The following TYW1B variants were observed in gnomAD, a reference collection of about 807,000 sequenced individuals.
TYW1B encodes the protein S-adenosyl-L-methionine-dependent tRNA 4-demethylwyosine synthase TYW1B.
TYW1B carries 73 observed loss-of-function variants against 86.9 expected under a neutral mutation model. The ratio of observed to expected loss-of-function variants is 0.84; its 90% CI spans 0.70 to 1.02. TYW1B has a LOEUF of 1.02. Among genes scored for constraint, TYW1B ranks in the 50% least tolerant of loss-of-function variants. TYW1B has a pLI of 0.00. For missense variants in TYW1B, 637 were observed against 827.4 expected (o/e 0.77, Z 2.82); for synonymous variants, 248 against 292.8 (o/e 0.85, Z 1.56).
At chr7:72,736,240 A>G (rs552330289) in intron 8 of TYW1B, among the ~76,000 whole-genome samples, 1 of 152,286 alleles carries the variant, frequency 6.6e-6, no homozygotes, top group South Asian at 2.1e-4. Flanking sequence ...GGCAGAGAAC[A>G]AAGGAAGGAG....
intron 10 of TYW1B, among the ~76,000 whole-genome samples, chr7:72,703,024 A>AT (rs1248439397): frequency 2.3e-3 from 19 of 8,152 alleles, no homozygotes; most frequent in African/African-American, 6.6e-3. Context: ...ATATATATAT[A>AT]TATTTTTTTT....
intron 7 of TYW1B, among the ~76,000 whole-genome samples, chr7:72,759,549 C>A (rs1787652845): frequency 6.6e-6 from 1 of 152,152 alleles, no homozygotes; most frequent in African/African-American, 2.4e-5. Flanking sequence ...GGGCAAATTA[C>A]AAGGAAAATT....
chr7:72,743,869 G>A (rs372265156), intron 8 of TYW1B, among the ~76,000 whole-genome samples: 37 of 149,280 alleles, frequency 2.5e-4, no homozygotes, highest in African/African-American at 6.4e-4. Context: ...AGAAAGAAAA[G>A]AAAAAGAAAT....
At chr7:72,785,061 C>A (rs1461611035) in intron 6 of TYW1B, among the ~76,000 whole-genome samples, 1 of 151,898 alleles carries the variant, frequency 6.6e-6, no homozygotes. Flanking sequence ...ACACCCCACT[C>A]CCCCCATATC....
chr7:72,794,612 AAAAG>A (rs1788275687), intron 6 of TYW1B, among the ~76,000 whole-genome samples: 1 of 152,050 alleles, frequency 6.6e-6, no homozygotes, highest in Non-Finnish European at 1.5e-5. Context: ...AAAAGAAGGA[AAAAG>A]AAAGACAAAG....
intron 11 of TYW1B, among the ~76,000 whole-genome samples, chr7:72,690,157 GA>G (rs782500490): frequency 5.3e-5 from 8 of 152,178 alleles, no homozygotes; most frequent in Non-Finnish European, 1.2e-4. Context: ...CTTAAACAGA[GA>G]AAAGAATTAA....
intron 8 of TYW1B, among the ~76,000 whole-genome samples, chr7:72,742,614 A>T (rs1456106992): frequency 3.3e-5 from 5 of 152,212 alleles, no homozygotes; most frequent in African/African-American, 1.2e-4. Context: ...TATTGAGTCA[A>T]ATAATATCAA....
chr7:72,604,727 A>G (rs1554434459), intron 13 of TYW1B, among the ~76,000 whole-genome samples: 1 of 152,134 alleles, frequency 6.6e-6, no homozygotes, highest in East Asian at 1.9e-4. Context: ...AAGCCCACAA[A>G]CAGCTGACTG....
intron 11 of TYW1B, among the ~76,000 whole-genome samples, chr7:72,660,552 G>A (rs1368177496): frequency 1.3e-5 from 2 of 152,118 alleles, no homozygotes; most frequent in Non-Finnish European, 2.9e-5. Context: ...TCTGCCATCC[G>A]ACACAATGAT....
Position 72,673,715 on chromosome 7 carries a change from T to A in TYW1B, c.1506+20972A>T, listed in dbSNP as rs567063682. On this transcript the variant is annotated intron_variant, in intron 11 of 13. Coordinates refer to ENST00000620995, the MANE Select transcript of TYW1B (RefSeq NM_001145440.3). ...CAACAGGTTGACTATATAGTCAAAC[T>A]TAATTTAATTGTACATTTAAAAGTG... Among the ~76,000 whole-genome samples the A allele has an allele frequency of 8.4e-3, 1,276 of 151,710 alleles. 13 individuals are homozygous for A. The highest frequency in any genetic ancestry group is 0.028 in the African/African-American group (1,147 of 41,406).
chr7:72,789,264 G>T (rs1270562006), intron 6 of TYW1B, among the ~76,000 whole-genome samples: 1 of 152,150 alleles, frequency 6.6e-6, no homozygotes, highest in Non-Finnish European at 1.5e-5. Flanking sequence ...CTCCTGAGTA[G>T]TTGGGACTAC....
intron 7 of TYW1B, among the ~76,000 whole-genome samples, chr7:72,774,356 A>T (rs1426130247): frequency 6.7e-6 from 1 of 149,520 alleles, no homozygotes. Context: ...ATATTATTTC[A>T]AAGTAACTTA....
At chr7:72,693,301 A>G (rs1814218726) in intron 11 of TYW1B, among the ~76,000 whole-genome samples, 1 of 152,196 alleles carries the variant, frequency 6.6e-6, no homozygotes, top group African/African-American at 2.4e-5. Context: ...GTTTGCAGAA[A>G]ATGACATTCA....
intron 10 of TYW1B, among the ~76,000 whole-genome samples, chr7:72,711,473 C>CTTTATTTTTTT (rs1786662085): frequency 1.8e-5 from 1 of 56,948 alleles, no homozygotes; most frequent in Non-Finnish European, 3.0e-5. Flanking sequence ...CTCTTTAATT[C>CTTTATTTTTTT]TTTTTTTTTT....
rs1187553447 is a variant in TYW1B at position 72,796,577 on chromosome 7, G to A, written c.846+5823C>T. The stretch of plus-strand genomic sequence containing the variant: ...AATTTGATGTAATATAATCTATTAC[G>A]TTCATTAATCTTTTTGAAGCTCAAA... On this transcript the variant is annotated intron_variant, in intron 6 of 13. Transcript: ENST00000620995. Among the ~76,000 whole-genome samples the A allele has an allele frequency of 1.4e-4, 21 of 150,360 alleles. No individual in the cohort carries two copies. The South Asian group carries it at 1.7e-3, about 12-fold the overall frequency.
chr7:72,733,418 C>T (rs550043695), intron 8 of TYW1B, among the ~76,000 whole-genome samples: 97 of 151,872 alleles, frequency 6.4e-4, no homozygotes, highest in Non-Finnish European at 1.2e-3. Flanking sequence ...CCAGCACTTT[C>T]GGAGGCCAAG....
chr7:72,714,468 A>C (rs574956998), intron 9 of TYW1B, among the ~76,000 whole-genome samples: 1 of 151,952 alleles, frequency 6.6e-6, no homozygotes, highest in Admixed American at 6.6e-5. Context: ...AATTAAAAAA[A>C]AAAAAATAGC....
chr7:72,785,678 A>G (rs1368752571), intron 6 of TYW1B, among the ~76,000 whole-genome samples: 4 of 152,150 alleles, frequency 2.6e-5, no homozygotes, highest in African/African-American at 4.8e-5. Flanking sequence ...CCAGTCTTAC[A>G]ATGACAGTGC....
At chr7:72,680,347 CAGA>C (rs1410165296) in intron 11 of TYW1B, among the ~76,000 whole-genome samples, 1 of 152,038 alleles carries the variant, frequency 6.6e-6, no homozygotes, top group Non-Finnish European at 1.5e-5. Flanking sequence ...TAAAAGCAGG[CAGA>C]AGAACATGGA....
Sources: gnomAD v4.1 joint callset for allele counts (sites outside exome capture counted in the v4.1 genomes callset) on GRCh38, gnomAD v4.1.1 for gene constraint, MANE v1.5 for transcripts, NCBI Gene and HGNC (gene_info 2026-07-23, HGNC 2026-07-21) for gene names.